The following SLC34A2 variants were observed in gnomAD, a reference collection of about 807,000 sequenced individuals.
SLC34A2 encodes the protein solute carrier family 34 member 2.
SLC34A2 carries 41 observed loss-of-function variants against 50.8 expected under a neutral mutation model. That is an observed-to-expected ratio of 0.81 (90% CI 0.63 to 1.05). SLC34A2 has a LOEUF of 1.05. Among genes scored for constraint, SLC34A2 ranks in the 50% least tolerant of loss-of-function variants. The probability of loss-of-function intolerance (pLI) is 0.00; values close to 1 mark genes in which losing one functional copy is unlikely to be tolerated. For synonymous variants in SLC34A2, 401 were observed against 364.2 expected, an observed-to-expected ratio of 1.10 and a Z score of -1.15; for missense variants, 879 against 876.7, an observed-to-expected ratio of 1.00 and a Z score of -0.03.
At chr4:25,663,038 G>A (rs150791895) in intron 3 of SLC34A2, among the ~76,000 whole-genome samples, 196 bp downstream of exon 3, 2 of 151,878 alleles carry the variant, frequency 1.3e-5, no homozygotes, top group East Asian at 1.9e-4. Flanking sequence ...GCAGTGGTGC[G>A]ATATTGGCTC....
chr4:25,670,610 CT>C, intron 7 of SLC34A2, 127 bp from the exon 8 acceptor site: 1 of 720,456 alleles, frequency 1.4e-6, no homozygotes, highest in Non-Finnish European at 2.5e-6. Context: ...GTGAGTCCCA[CT>C]TTGCCTCTCT....
chr4:25,667,667 C>T (rs972859860), intron 5 of SLC34A2, among the ~76,000 whole-genome samples: 7 of 152,156 alleles, frequency 4.6e-5, no homozygotes, highest in African/African-American at 1.7e-4. Flanking sequence ...TTCAGGCTAG[C>T]CTTGGATCTG....
chr4:25,666,674 T>C (rs777130140), intron 5 of SLC34A2, among the ~76,000 whole-genome samples: 45 of 152,208 alleles, frequency 3.0e-4, no homozygotes, highest in Non-Finnish European at 5.4e-4. Flanking sequence ...AGCTACCCTA[T>C]TGAGAAGTAG....
chr4:25,664,215 A>C lies in SLC34A2; in HGVS notation c.264A>C (p.Lys88Asn). ...ACCCCCCTGCAGAGAGAGACACCAA[A>C]GGGAAGATTCTCTGTTTCTTCCAAG... ...SGIKWSERDT[K>N]GKILCFFQGI... The change falls in exon 4 of 13, where the codon AAA becomes AAC. Residue 88 changes from lysine (K) to asparagine (N), a missense_variant. Lys to Asn is a moderately conservative substitution (Grantham distance 94). Transcript: ENST00000382051. The C allele has an allele frequency of 6.2e-7, 1 of 1,612,634 alleles. No individual in the cohort carries two copies. Among genetic ancestry groups the C allele is most frequent in the Non-Finnish European group, 8.5e-7 (1 of 1,179,158 alleles).
chr4:25,661,393 T>G (rs1159217538), intron 1 of SLC34A2, among the ~76,000 whole-genome samples: 1 of 152,156 alleles, frequency 6.6e-6, no homozygotes, highest in Non-Finnish European at 1.5e-5. Context: ...CTGCATATAC[T>G]TATATATTTT....
At chr4:25,663,438 A>G (rs989139717) in intron 3 of SLC34A2, among the ~76,000 whole-genome samples, 2 of 152,218 alleles carry the variant, frequency 1.3e-5, no homozygotes, top group African/African-American at 4.8e-5. Context: ...ATGAACAGAA[A>G]AGGCCCCTCT....
chr4:25,659,533 T>A (rs924165319), intron 1 of SLC34A2, among the ~76,000 whole-genome samples: 1 of 152,068 alleles, frequency 6.6e-6, no homozygotes, highest in African/African-American at 2.4e-5. Context: ...CACAGTGCAT[T>A]TCCACATTGT....
chr4:25,666,745 T>C (rs897734133), intron 5 of SLC34A2, among the ~76,000 whole-genome samples: 7 of 152,178 alleles, frequency 4.6e-5, no homozygotes, highest in African/African-American at 9.7e-5. Context: ...CCACTCTCAG[T>C]GCTAAGAAGA....
intron 3 of SLC34A2, among the ~76,000 whole-genome samples, 156 bp downstream of exon 3, chr4:25,662,998 G>A (rs1054001306): frequency 6.6e-6 from 1 of 151,290 alleles, no homozygotes; most frequent in Admixed American, 6.6e-5. Flanking sequence ...TTTTTTAGAC[G>A]GAGTCTTGCT....
At chr4:25,670,873 T>C (rs770704925) in intron 8 of SLC34A2, 40 bp downstream of exon 8, 22 of 1,479,472 alleles carry the variant, frequency 1.5e-5, no homozygotes, top group Non-Finnish European at 2.0e-5. Flanking sequence ...GGAGTGAACC[T>C]TTGCATCTGA....
In SLC34A2 at chr4:25,674,519, A is replaced by G. The variant is rs1715007663; in HGVS notation, c.1348A>G (p.Thr450Ala). 1 of 1,614,044 alleles carries G rather than the reference A, an allele frequency of 6.2e-7. No individual in the cohort carries two copies. The highest frequency in any genetic ancestry group is 8.5e-7 in the Non-Finnish European group (1 of 1,180,040). The change falls in exon 12 of 13, where the codon ACC becomes GCC. Residue 450 changes from threonine (T) to alanine (A), a missense_variant. By Grantham distance (58) the Thr-to-Ala change is moderately conservative (BLOSUM62 0). Coordinates refer to ENST00000382051, the MANE Select transcript of SLC34A2 (RefSeq NM_006424.3). ...GTTTCCCCCAGGAATCGGCGTGATA[A>G]CCATTGAGAGGGCTTATCCACTCAC... ...LTPLIGIGVI[T>A]IERAYPLTLG...
chr4:25,670,066 G>A (rs1341290815), intron 7 of SLC34A2, among the ~76,000 whole-genome samples: 2 of 152,092 alleles, frequency 1.3e-5, no homozygotes, highest in African/African-American at 4.8e-5. Flanking sequence ...ATACTAAAAT[G>A]CAAAACATTA....
rs150285040 is a variant in SLC34A2 at position 25,667,803 on chromosome 4, G to T, written c.524-77G>T. ...GAGGATAAAAACTACTTCTTTAGAG[G>T]ATACCAGCATAGGTAACTTTAGCCT... On this transcript the variant is annotated intron_variant, in intron 5 of 12. Transcript: ENST00000382051. 3 of 908,104 alleles carry T rather than the reference G, an allele frequency of 3.3e-6. No homozygotes were observed. In the African/African-American group the frequency reaches 4.9e-5, roughly 15 times the overall value. 56.3% of individuals were successfully genotyped at this position (908,104 alleles called of 1,614,324 possible).
rs11935453 is a variant in SLC34A2, at chr4:25,658,875, T to C, written c.-4+2985T>C. Among the ~76,000 whole-genome samples, 553 of 151,662 alleles carry C rather than the reference T, an allele frequency of 3.6e-3. 3 individuals carry two copies. The highest frequency in any genetic ancestry group is 0.013 in the African/African-American group (517 of 41,356). ...GAGGGGCTCAGAGCTCCAGGGTACA[T>C]TCTCTGCCTGCACCATTTAATACCC... On this transcript the variant is annotated intron_variant, in intron 1 of 12. Coordinates refer to ENST00000382051, the MANE Select transcript of SLC34A2 (RefSeq NM_006424.3).
intron 3 of SLC34A2, 115 bp from the exon 4 acceptor site, chr4:25,664,087 C>T: frequency 1.0e-6 from 1 of 1,001,232 alleles, no homozygotes; most frequent in Non-Finnish European, 1.6e-6. Flanking sequence ...GGCTGCCAGG[C>T]TGGGAAGGGA....
chr4:25,673,263 A>G lies in SLC34A2; in HGVS notation c.1216+9A>G, dbSNP rs757372305. ...GAAGACCATCAACACTGGTAGGTAC[A>G]CTGCCCTCACTTGTAGGCCTCACAT... On this transcript the variant is annotated intron_variant, in intron 10 of 12. Transcript: ENST00000382051. 19 of 1,575,090 alleles carry G rather than the reference A, an allele frequency of 1.2e-5. No individual in the cohort carries two copies. In the South Asian group the frequency reaches 1.3e-4, roughly 11 times the overall value.
intron 5 of SLC34A2, chr4:25,667,192 T>A (rs1714544305): frequency 6.6e-6 from 1 of 152,520 alleles, no homozygotes; most frequent in African/African-American, 2.4e-5. Flanking sequence ...CTGCCTAGAA[T>A]TAAATGTCTG....
rs1453017187 is a variant in SLC34A2, at chr4:25,676,350, C to T, written c.1674C>T (p.Val558=). 1 of 1,614,136 alleles carries T rather than the reference C, an allele frequency of 6.2e-7. No individual in the cohort carries two copies. The highest frequency in any genetic ancestry group is 8.5e-7 in the Non-Finnish European group (1 of 1,180,028). ...SLAGWRVLVG[V]GVPVVFIIIL... ...CCGGCTGGCGGGTGCTGGTTGGTGT[C>T]GGGGTTCCCGTCGTCTTCATCATCA... is the stretch of plus-strand genomic sequence containing the variant. Residue 558 remains valine, a synonymous_variant, in exon 13 of 13, where the codon GTC becomes GTT. Coordinates refer to ENST00000382051, the MANE Select transcript of SLC34A2 (RefSeq NM_006424.3).
intron 8 of SLC34A2, 68 bp from the exon 9 acceptor site, chr4:25,671,533 C>A: frequency 6.2e-7 from 1 of 1,609,516 alleles, no homozygotes; most frequent in Non-Finnish European, 8.5e-7. Context: ...TCATTCCCAC[C>A]CCCGCCATTG....
Sources: allele counts gnomAD v4.1 joint callset (sites outside exome capture counted in the v4.1 genomes callset), GRCh38; gene constraint gnomAD v4.1.1; transcripts MANE v1.5; gene names NCBI Gene and HGNC (gene_info 2026-07-23, HGNC 2026-07-21).